OR56B2: variants seen among roughly 807,000 people sequenced by gnomAD.
OR56B2 encodes olfactory receptor 56B2.
the OR56B2 span, among the ~76,000 whole-genome samples, chr11:5,768,152 C>T: frequency 2.9e-5 from 4 of 138,150 alleles, 2 homozygotes; most frequent in Non-Finnish European, 6.4e-5. Context: ...GTGTACCCAC[C>T]ATAGTGGGTA....
At chr11:5,768,371 T>C in the OR56B2 span, among the ~76,000 whole-genome samples, 4 of 140,316 alleles carry the variant, frequency 2.9e-5, 1 homozygote, top group Non-Finnish European at 6.3e-5. Context: ...GGCCTCATAA[T>C]CTATGCACGT....
At chr11:5,766,037 T>C in the OR56B2 span, 5 of 140,492 alleles carry the variant, frequency 3.6e-5, no homozygotes, top group African/African-American at 1.3e-4. Context: ...ACAAGGTACT[T>C]AGACTGGAGT....
chr11:5,766,604 G>A, the OR56B2 span: 3 of 139,248 alleles, frequency 2.2e-5, no homozygotes, highest in Admixed American at 1.5e-4. Context: ...TAATCATTAG[G>A]CAAATTCAAT....
chr11:5,765,441 G>A, the OR56B2 span: 1 of 140,758 alleles, frequency 7.1e-6, no homozygotes, highest in African/African-American at 2.6e-5. Context: ...ACATTGCTTT[G>A]TGGCCATGGA....
At chr11:5,764,884 T>C in the OR56B2 span, among the ~76,000 whole-genome samples, 1 of 139,662 alleles carries the variant, frequency 7.2e-6, no homozygotes, top group Admixed American at 7.4e-5. Flanking sequence ...GGAAAAAATA[T>C]GACCTACCTT....
At chr11:5,762,578 T>C in the OR56B2 span, among the ~76,000 whole-genome samples, 1 of 152,078 alleles carries the variant, frequency 6.6e-6, no homozygotes, top group Non-Finnish European at 1.5e-5. Flanking sequence ...TATACAGTTA[T>C]ATAGAATGAA....
chr11:5,763,418 A>G, the OR56B2 span, among the ~76,000 whole-genome samples: 1 of 102,278 alleles, frequency 9.8e-6, no homozygotes, highest in African/African-American at 3.5e-5. Context: ...GGTTTAAGCA[A>G]TTCTCCTACC....
chr11:5,764,462 C>T, the OR56B2 span, among the ~76,000 whole-genome samples: 2 of 140,952 alleles, frequency 1.4e-5, 1 homozygote, highest in Non-Finnish European at 3.1e-5. Context: ...TTCCAAACCA[C>T]ATTAAACTCT....
At chr11:5,768,357 T>C in the OR56B2 span, among the ~76,000 whole-genome samples, 1 of 140,362 alleles carries the variant, frequency 7.1e-6, no homozygotes, top group Non-Finnish European at 1.6e-5. Context: ...TCACTTAAAA[T>C]AATGGCCTCA....
chr11:5,768,306 G>A, the OR56B2 span, among the ~76,000 whole-genome samples: 3 of 139,302 alleles, frequency 2.2e-5, 1 homozygote, highest in Non-Finnish European at 4.8e-5. Context: ...CCACTTAAAA[G>A]TGAGAACATG....
chr11:5,764,614 C>T, the OR56B2 span, among the ~76,000 whole-genome samples: 20 of 139,638 alleles, frequency 1.4e-4, 4 homozygotes, highest in Admixed American at 7.4e-4. Flanking sequence ...TGTTTAAGTA[C>T]GTGAACAAAA....
At chr11:5,768,098 G>A in the OR56B2 span, among the ~76,000 whole-genome samples, 1 of 138,456 alleles carries the variant, frequency 7.2e-6, no homozygotes, top group South Asian at 2.4e-4. Context: ...ATACATGGAT[G>A]TATATCCATG....
chr11:5,765,646 A>C, the OR56B2 span: 1 of 140,840 alleles, frequency 7.1e-6, no homozygotes, highest in Admixed American at 7.3e-5. Context: ...CAAATTGAGC[A>C]CTGTCTTTGT....
chr11:5,764,615 G>A, the OR56B2 span, among the ~76,000 whole-genome samples: 83,506 of 138,240 alleles, frequency 0.6, 32,284 homozygotes, highest in Middle Eastern at 0.74. Flanking sequence ...GTTTAAGTAC[G>A]TGAACAAAAA....
the OR56B2 span, among the ~76,000 whole-genome samples, chr11:5,762,255 A>G: frequency 6.6e-6 from 1 of 152,068 alleles, no homozygotes; most frequent in Non-Finnish European, 1.5e-5. Context: ...TTCATTGAAG[A>G]AAAATAATTG....
At chr11:5,767,996 G>C in the OR56B2 span, among the ~76,000 whole-genome samples, 4 of 139,586 alleles carry the variant, frequency 2.9e-5, no homozygotes, top group South Asian at 9.4e-4. Flanking sequence ...AGTGGCAATG[G>C]TTGCACAGCA....
At chr11:5,767,514 A>G in the OR56B2 span, 1 of 139,668 alleles carries the variant, frequency 7.2e-6, no homozygotes, top group East Asian at 2.1e-4. Flanking sequence ...TGATAGATAT[A>G]CTAATCAGCT....
the OR56B2 span, among the ~76,000 whole-genome samples, chr11:5,768,925 A>G: frequency 7.4e-6 from 1 of 134,732 alleles, no homozygotes; most frequent in Non-Finnish European, 1.6e-5. Context: ...GTTTGTCAAA[A>G]GTATATATAG....
At chr11:5,763,162 T>C in the OR56B2 span, among the ~76,000 whole-genome samples, 109 of 152,260 alleles carry the variant, frequency 7.2e-4, no homozygotes, top group African/African-American at 2.5e-3. Flanking sequence ...CAGATGCATA[T>C]GAATTACCTC....
Sources: gnomAD v4.1 joint callset for allele counts (sites outside exome capture counted in the v4.1 genomes callset) on GRCh38, gnomAD v4.1.1 for gene constraint, MANE v1.5 for transcripts, NCBI Gene and HGNC (gene_info 2026-07-23, HGNC 2026-07-21) for gene names.